GNG2: variants seen among roughly 807,000 people sequenced by gnomAD.
GNG2 encodes the protein guanine nucleotide-binding protein G(I)/G(S)/G(O) subunit gamma-2.
GNG2 carries 5 observed loss-of-function variants against 5.5 expected under a neutral mutation model. The ratio of observed to expected loss-of-function variants is 0.91; its 90% confidence interval spans 0.48 to 1.92. GNG2 has a LOEUF of 1.92. GNG2 is among the 30% of genes most tolerant of loss of function. GNG2 has a pLI of 0.01. For synonymous variants in GNG2, 28 were observed against 32.0 expected (o/e 0.88, Z 0.42); for missense variants, 55 against 88.4 (o/e 0.62, Z 1.52).
intron 2 of GNG2, among the ~76,000 whole-genome samples, chr14:51,835,987 T>C (rs1251282183): frequency 6.6e-6 from 1 of 151,820 alleles, no homozygotes; most frequent in Non-Finnish European, 1.5e-5. Flanking sequence ...CACTATAGAC[T>C]GGGTGACTTA....
At chr14:51,827,048 G>A (rs1881047461) in intron 1 of GNG2, among the ~76,000 whole-genome samples, 1 of 152,152 alleles carries the variant, frequency 6.6e-6, no homozygotes, top group South Asian at 2.1e-4. Context: ...ACCCTTCAAG[G>A]TGGGCAGGTA....
chr14:51,861,966 A>T (rs77678713), intron 1 of GNG2, among the ~76,000 whole-genome samples: 2,768 of 152,272 alleles, frequency 0.018, 90 homozygotes, highest in African/African-American at 0.063. Context: ...GTAAAAATTT[A>T]AAAAAAGTCA....
chr14:51,914,746 A>G (rs1886509728), intron 2 of GNG2, among the ~76,000 whole-genome samples: 1 of 152,178 alleles, frequency 6.6e-6, no homozygotes, highest in Non-Finnish European at 1.5e-5. Flanking sequence ...GCTTCATCAG[A>G]TTTCATTTGA....
intron 2 of GNG2, among the ~76,000 whole-genome samples, chr14:51,841,206 C>T (rs1454434493): frequency 6.6e-6 from 1 of 152,106 alleles, no homozygotes. Flanking sequence ...AGGATAGCAC[C>T]ACAGGAGACC....
Position 51,969,253 on chromosome 14 carries a change from A to C in GNG2, c.*2566A>C, listed in dbSNP as rs1359990198. 2.0e-5 allele frequency: 3 copies of C among 152,208 alleles called. No homozygotes were observed. Among genetic ancestry groups the C allele is most frequent in the African/African-American group, 7.2e-5 (3 of 41,448 alleles). The allele number at this position is 152,208 out of a possible 1,614,324, so 9.4% of individuals were successfully genotyped here. ...GTGGAATTAACTAATAAGTAGTAACAATAAACTTCATATTTAGAATGCAAA... is the reference window on the plus strand; with the variant it reads ...GTGGAATTAACTAATAAGTAGTAACCATAAACTTCATATTTAGAATGCAAA... On this transcript the variant is annotated 3_prime_UTR_variant, in exon 4 of 4. Coordinates refer to ENST00000556766, the MANE Select transcript of GNG2 (RefSeq NM_053064.5).
At chr14:51,914,084 G>T in intron 2 of GNG2, 1 of 607,724 alleles carries the variant, frequency 1.6e-6, no homozygotes, top group Non-Finnish European at 3.0e-6. Context: ...TTGTTTGCTT[G>T]CTTGCCTTTT....
At chr14:51,934,899 A>G (rs1374265757) in intron 2 of GNG2, among the ~76,000 whole-genome samples, 1 of 152,142 alleles carries the variant, frequency 6.6e-6, no homozygotes, top group Non-Finnish European at 1.5e-5. Flanking sequence ...TAAAGTGCAG[A>G]GACGTTCTTA....
intron 3 of GNG2, among the ~76,000 whole-genome samples, chr14:51,961,028 G>A (rs1049230827): frequency 8.5e-5 from 13 of 152,142 alleles, no homozygotes; most frequent in South Asian, 2.1e-4. Flanking sequence ...TCAACTCAGG[G>A]AGATTGCTGA....
chr14:51,878,941 T>C (rs572370015), intron 2 of GNG2, among the ~76,000 whole-genome samples: 1 of 152,346 alleles, frequency 6.6e-6, no homozygotes, highest in East Asian at 1.9e-4. Flanking sequence ...TTCAAATCAA[T>C]CCAAGCAGAG....
intron 2 of GNG2, among the ~76,000 whole-genome samples, chr14:51,879,025 T>C (rs1444145015): frequency 6.6e-6 from 1 of 152,222 alleles, no homozygotes; most frequent in African/African-American, 2.4e-5. Flanking sequence ...CTGTCCTTGG[T>C]TCACAAAAGG....
intron 2 of GNG2, among the ~76,000 whole-genome samples, chr14:51,918,973 G>T (rs564520007): frequency 3.3e-5 from 5 of 152,234 alleles, no homozygotes; most frequent in African/African-American, 1.2e-4. Flanking sequence ...TTACAGGCAT[G>T]TGCCACCACG....
intron 3 of GNG2, among the ~76,000 whole-genome samples, chr14:51,965,540 T>C (rs978348183): frequency 2.6e-5 from 4 of 152,146 alleles, no homozygotes; most frequent in African/African-American, 4.8e-5. Context: ...GCTACAAATA[T>C]GTTGTAAGAA....
At chr14:51,845,176 C>T (rs1322818328) in intron 2 of GNG2, among the ~76,000 whole-genome samples, 1 of 152,112 alleles carries the variant, frequency 6.6e-6, no homozygotes. Flanking sequence ...TCATATGGGC[C>T]AAATCACTTT....
intron 2 of GNG2, among the ~76,000 whole-genome samples, chr14:51,924,747 A>G (rs1290281358): frequency 1.3e-5 from 2 of 152,258 alleles, no homozygotes; most frequent in African/African-American, 4.8e-5. Flanking sequence ...TTCCAAAGCC[A>G]GGACCTACTG....
intron 2 of GNG2, among the ~76,000 whole-genome samples, chr14:51,940,886 T>C (rs533772355): frequency 6.6e-6 from 1 of 152,286 alleles, no homozygotes; most frequent in Non-Finnish European, 1.5e-5. Flanking sequence ...TTGCAATTAT[T>C]ACTTGATTCA....
chr14:51,939,448 C>A (rs143724570), intron 2 of GNG2, among the ~76,000 whole-genome samples: 1 of 152,290 alleles, frequency 6.6e-6, no homozygotes, highest in Non-Finnish European at 1.5e-5. Context: ...CAGCAGTTTA[C>A]TGGAAAGCAG....
At chr14:51,962,559 CA>C (rs1889675978) in intron 3 of GNG2, among the ~76,000 whole-genome samples, 1 of 152,034 alleles carries the variant, frequency 6.6e-6, no homozygotes, top group African/African-American at 2.4e-5. Flanking sequence ...TGGGGTAATC[CA>C]AATTAATTGC....
intron 2 of GNG2, among the ~76,000 whole-genome samples, chr14:51,854,831 C>T (rs1006914521): frequency 1.3e-5 from 2 of 152,080 alleles, no homozygotes; most frequent in African/African-American, 2.4e-5. Flanking sequence ...CTCTTTCTTA[C>T]CTACTTCCGG....
intron 1 of GNG2, among the ~76,000 whole-genome samples, chr14:51,868,878 C>A (rs1484257015): frequency 1.3e-5 from 2 of 152,178 alleles, no homozygotes; most frequent in Non-Finnish European, 2.9e-5. Context: ...GAAGACTACT[C>A]TGTTTGATTA....
Sources: gnomAD v4.1 joint callset for allele counts (sites outside exome capture counted in the v4.1 genomes callset) on GRCh38, gnomAD v4.1.1 for gene constraint, MANE v1.5 for transcripts, NCBI Gene and HGNC (gene_info 2026-07-23, HGNC 2026-07-21) for gene names.